PIP4K2B: variants seen among roughly 807,000 people sequenced by gnomAD.
The protein encoded by PIP4K2B is phosphatidylinositol-5-phosphate 4-kinase type 2 beta.
PIP4K2B carries 3 observed loss-of-function variants against 42.0 expected under a neutral mutation model. The observed-to-expected ratio is 0.07, with a 90% CI of 0.03 to 0.18. PIP4K2B has a LOEUF of 0.18. Among genes scored for constraint, PIP4K2B ranks in the 10% least tolerant of loss-of-function variants. PIP4K2B has a pLI of 1.00. For synonymous variants in PIP4K2B, 204 were observed against 210.1 expected (o/e 0.97, Z 0.25); for missense variants, 332 against 562.3 (o/e 0.59, Z 4.14).
At chr17:38,771,546 C>CA (rs58817119) in intron 7 of PIP4K2B, among the ~76,000 whole-genome samples, 5,265 of 39,384 alleles carry the variant, frequency 0.13, 593 homozygotes, top group East Asian at 0.38. Flanking sequence ...GAGATGGTCT[C>CA]AAAAAAAAAA....
chr17:38,791,860 C>T (rs1241582909), intron 1 of PIP4K2B, among the ~76,000 whole-genome samples: 1 of 150,670 alleles, frequency 6.6e-6, no homozygotes. Context: ...GAGGCCGAGG[C>T]GGGCGGATCA....
At chr17:38,772,839 C>A (rs1909119950) in intron 7 of PIP4K2B, among the ~76,000 whole-genome samples, 1 of 152,090 alleles carries the variant, frequency 6.6e-6, no homozygotes, top group Non-Finnish European at 1.5e-5. Context: ...CTCAGCCTCC[C>A]AAAAGTGCTG....
chr17:38,776,638 A>AAAC lies in PIP4K2B; in HGVS notation c.807+1048_807+1049insGTT, dbSNP rs1909365971. The AAAC allele has an allele frequency of 6.8e-5, 30 of 439,140 alleles. No individual in the cohort carries two copies. In the East Asian group the frequency reaches 1.6e-3, roughly 24 times the overall value. 27.2% of individuals were successfully genotyped at this position (439,140 alleles called of 1,614,324 possible). ...GAACGAGAATCTCCTAAAAAAAAAC[A>AAAC]AAACAAACAAACAAACAAAAAAAAC... is the stretch of plus-strand genomic sequence containing the variant. On this transcript the variant is annotated intron_variant, in intron 7 of 9. Transcript: ENST00000619039.
intron 6 of PIP4K2B, 28 bp from the exon 7 acceptor site, chr17:38,777,828 G>T: frequency 6.6e-7 from 1 of 1,514,754 alleles, no homozygotes; most frequent in Non-Finnish European, 9.2e-7. Flanking sequence ...GTTAGGCTGG[G>T]TAAGCCTGAT....
In PIP4K2B at chr17:38,799,425, G is replaced by A. The variant is rs767713220; in HGVS notation, c.-1C>T. The A allele has an allele frequency of 8.8e-6, 14 of 1,582,690 alleles. No homozygotes were observed. Among genetic ancestry groups the A allele is most frequent in the Middle Eastern group, 3.4e-4 (2 of 5,942 alleles). On this transcript the variant is annotated 5_prime_UTR_variant, in exon 1 of 10. Transcript: ENST00000619039. The surrounding 1 kb of genome is among the most constrained non-coding windows in gnomAD (Gnocchi z 4.4). ...TGGTGCTGGTGCAGTTGGACGACATGCCCGGGGCGGCGGCGGCGGCGGCGA... is the reference window on the plus strand; with the variant it reads ...TGGTGCTGGTGCAGTTGGACGACATACCCGGGGCGGCGGCGGCGGCGGCGA...
At chr17:38,792,340 C>T (rs998688971) in intron 1 of PIP4K2B, among the ~76,000 whole-genome samples, 4 of 152,122 alleles carry the variant, frequency 2.6e-5, no homozygotes, top group Non-Finnish European at 4.4e-5. Context: ...GACAAGTTTT[C>T]GCCATGTTGC....
At chr17:38,776,010 T>C (rs895926943) in intron 7 of PIP4K2B, 6 of 442,630 alleles carry the variant, frequency 1.4e-5, no homozygotes, top group Non-Finnish European at 2.2e-5. Flanking sequence ...TGAGATGGAG[T>C]TTCATTCATA....
chr17:38,776,487 G>A, intron 7 of PIP4K2B: 1 of 324,312 alleles, frequency 3.1e-6, no homozygotes, highest in Non-Finnish European at 6.1e-6. Context: ...TATCAAAATG[G>A]TTAAGGTGCG....
rs544280844 is a variant in PIP4K2B at position 38,786,314 on chromosome 17, A to T, written c.257+509T>A. Among the ~76,000 whole-genome samples, 102 of 152,322 alleles carry T rather than the reference A, an allele frequency of 6.7e-4. No homozygotes were observed. In the South Asian group the frequency reaches 0.012, roughly 18 times the overall value. On this transcript the variant is annotated intron_variant, in intron 2 of 9. Transcript: ENST00000619039. ...ACAATATCTGAGACAACCTTCAGAC[A>T]CTGGTGCTAATCCAAGAAGCGACAG... is the stretch of plus-strand genomic sequence containing the variant.
At chr17:38,779,236 C>T in intron 5 of PIP4K2B, 147 bp downstream of exon 5, 1 of 761,394 alleles carries the variant, frequency 1.3e-6, no homozygotes, top group South Asian at 1.8e-5. Context: ...CTTTGGTCCA[C>T]AAGAATCAGG....
chr17:38,770,816 G>A (rs942756939), intron 8 of PIP4K2B, among the ~76,000 whole-genome samples, 198 bp downstream of exon 8: 1 of 152,230 alleles, frequency 6.6e-6, no homozygotes, highest in Middle Eastern at 3.4e-3. Context: ...GGACAAGCAG[G>A]GAAGTATAGG....
chr17:38,780,058 C>T (rs568852356), intron 4 of PIP4K2B: 56 of 184,322 alleles, frequency 3.0e-4, no homozygotes, highest in African/African-American at 1.0e-3. Flanking sequence ...AAATGAAGAC[C>T]CAAGTAGGCT....
At chr17:38,772,299 A>G (rs184176538) in intron 7 of PIP4K2B, among the ~76,000 whole-genome samples, 37 of 152,226 alleles carry the variant, frequency 2.4e-4, no homozygotes, top group African/African-American at 8.9e-4. Context: ...GAAATAATTC[A>G]TAAGTTTTTA....
rs1598062415 is a variant in PIP4K2B at position 38,799,213 on chromosome 17, G to C, written c.159+53C>G. 6.6e-7 allele frequency: 1 copy of C among 1,523,968 alleles called. No homozygotes were observed. Among genetic ancestry groups the C allele is most frequent in the African/African-American group, 1.4e-5 (1 of 70,460 alleles). The allele number at this position is 1,523,968 out of a possible 1,614,324, so 94.4% of individuals were successfully genotyped here. A position where few individuals can be genotyped will look rare whatever the true frequency, so the allele number is the denominator to read the frequency against. On this transcript the variant is annotated intron_variant, in intron 1 of 9. Coordinates refer to ENST00000619039, the MANE Select transcript of PIP4K2B (RefSeq NM_003559.5). This position sits in a 1 kb window ranked among gnomAD's most constrained non-coding sequence, Gnocchi z 4.4. ...CGGGGCAAGGGCCCAGGGCTGCAGG[G>C]GGCGTGGGAGCGCGCGGGGCCGCGC... is the stretch of plus-strand genomic sequence containing the variant.
chr17:38,771,413 A>G, intron 7 of PIP4K2B, 141 bp from the exon 8 acceptor site: 1 of 894,174 alleles, frequency 1.1e-6, no homozygotes, highest in South Asian at 1.7e-5. Flanking sequence ...GTAAGGCATC[A>G]GAGCACCCGC....
intron 1 of PIP4K2B, among the ~76,000 whole-genome samples, chr17:38,794,609 T>TAAAAAAAAAAAAAAAAAAAAA (rs34374571): frequency 2.9e-5 from 1 of 34,254 alleles, no homozygotes; most frequent in Non-Finnish European, 5.0e-5. Flanking sequence ...CCCAATTCAT[T>TAAAAAAAAAAAAAAAAAAAAA]AAAAAAAAAA....
At position 38,780,751 on chromosome 17, in the gene PIP4K2B, CTCACAGGGTGT is replaced by C. The variant is rs1449732455; in HGVS notation, c.355-158_355-148del. The C allele has an allele frequency of 1.5e-5, 10 of 681,804 alleles. No homozygotes were observed. The East Asian group carries it at 2.8e-4, about 19-fold the overall frequency. The allele number at this position is 681,804 out of a possible 1,614,324, so 42.2% of individuals were successfully genotyped here. A position where few individuals can be genotyped will look rare whatever the true frequency, so the allele number is the denominator to read the frequency against. On this transcript the variant is annotated intron_variant, in intron 3 of 9. Transcript: ENST00000619039. Reference sequence around the variant, plus strand: ...AGATGGGAGTTTACCCTCCCCTTTTCTCACAGGGTGTTCACATCCCTCCCTAAGTCTTCCTC... The same window carrying C: ...AGATGGGAGTTTACCCTCCCCTTTTCTCACATCCCTCCCTAAGTCTTCCTC...
At position 38,791,629 on chromosome 17, in the gene PIP4K2B, G is replaced by A. The variant is rs1393182929; in HGVS notation, c.160-4709C>T. ...TCTCCATGTTGGCCAGGCTGGTCTC[G>A]AACTCCCGACCTTAGGAGATCCACC... On this transcript the variant is annotated intron_variant, in intron 1 of 9. Transcript: ENST00000619039. 5.4e-4 allele frequency among the ~76,000 whole-genome samples: 81 copies of A among 149,930 alleles called. 1 individual carries two copies. The highest frequency in any genetic ancestry group is 6.8e-3 in the Middle Eastern group (2 of 292).
chr17:38,788,562 A>T (rs1910167231), intron 1 of PIP4K2B, among the ~76,000 whole-genome samples: 1 of 152,050 alleles, frequency 6.6e-6, no homozygotes, highest in Non-Finnish European at 1.5e-5. Flanking sequence ...CCCTCCTGAT[A>T]AAAGCAGGGC....
Sources: allele counts gnomAD v4.1 joint callset (sites outside exome capture counted in the v4.1 genomes callset), GRCh38; gene constraint gnomAD v4.1.1; non-coding constraint Gnocchi (gnomAD v3.1); transcripts MANE v1.5; gene names NCBI Gene and HGNC (gene_info 2026-07-23, HGNC 2026-07-21).